USP34: variants seen among roughly 807,000 people sequenced by gnomAD.
The protein encoded by USP34 is ubiquitin carboxyl-terminal hydrolase 34.
In USP34, 70 loss-of-function variants were observed where a neutral mutation model predicts 460.3. That is an observed-to-expected ratio of 0.15 (90% CI 0.13 to 0.19). USP34 has a LOEUF of 0.19. Among genes scored for constraint, USP34 ranks in the 10% least tolerant of loss-of-function variants. The pLI is 1.00. For synonymous variants in USP34, 1,647 were observed against 1,405.3 expected, an observed-to-expected ratio of 1.17 and a Z score of -3.85; for missense variants, 3,985 against 4,236.2, an observed-to-expected ratio of 0.94 and a Z score of 1.65.
intron 51 of USP34, among the ~76,000 whole-genome samples, chr2:61,244,771 C>T (rs771152648): frequency 4.6e-5 from 7 of 152,102 alleles, no homozygotes; most frequent in Non-Finnish European, 8.8e-5. Flanking sequence ...AACTTCCTTG[C>T]CAAACATTTT....
chr2:61,263,173 ATT>A (rs36015748), intron 43 of USP34, among the ~76,000 whole-genome samples: 18 of 97,764 alleles, frequency 1.8e-4, no homozygotes, highest in East Asian at 1.6e-3. Flanking sequence ...CACACATGGA[ATT>A]TTTTTTTTTT....
intron 51 of USP34, among the ~76,000 whole-genome samples, chr2:61,243,610 A>G (rs982503393): frequency 2.1e-5 from 3 of 146,156 alleles, no homozygotes; most frequent in South Asian, 4.3e-4. Context: ...ACGGTGGCTC[A>G]TGCCTATAAT....
rs925693743 is a variant in USP34, at chr2:61,387,713, AT to A, written c.754-4378del. ...TACATATACACACATGTAAAAATAT[AT>A]TTTTACGTATACACACATGTAAAAA... On this transcript the variant is annotated intron_variant, in intron 5 of 79. Transcript: ENST00000398571. Among the ~76,000 whole-genome samples, 3 of 147,882 alleles carry A rather than the reference AT, an allele frequency of 2.0e-5. No individual in the cohort carries two copies. In the East Asian group the frequency reaches 5.9e-4, roughly 29 times the overall value.
intron 41 of USP34, among the ~76,000 whole-genome samples, chr2:61,269,441 C>T (rs1450331632): frequency 6.6e-6 from 1 of 151,340 alleles, no homozygotes; most frequent in African/African-American, 2.4e-5. Flanking sequence ...GCTGGGATTA[C>T]AGTTGAGAGT....
chr2:61,429,453 TA>T (rs1250189918), intron 1 of USP34, among the ~76,000 whole-genome samples: 1 of 151,702 alleles, frequency 6.6e-6, no homozygotes, highest in Non-Finnish European at 1.5e-5. Context: ...TCTCAAAAAA[TA>T]AAATAAGATA....
chr2:61,260,726 T>C (rs879884900), intron 43 of USP34, among the ~76,000 whole-genome samples: 12 of 152,192 alleles, frequency 7.9e-5, no homozygotes, highest in Non-Finnish European at 1.2e-4. Context: ...AGGCTTAATA[T>C]TCCATATTAC....
At chr2:61,388,764 AATAT>A (rs56090495) in intron 5 of USP34, among the ~76,000 whole-genome samples, 52,479 of 148,850 alleles carry the variant, frequency 0.35, 9,300 homozygotes, top group Admixed American at 0.41. Context: ...TCAGAAAAAG[AATAT>A]ATATATATAT....
chr2:61,228,945 A>C lies in USP34; in HGVS notation c.7250T>G (p.Val2417Gly), dbSNP rs1321800841. The change falls in exon 60 of 80, where the codon GTC becomes GGC. Residue 2417 changes from valine (V) to glycine (G), a missense_variant. Coordinates refer to ENST00000398571, the MANE Select transcript of USP34 (RefSeq NM_014709.4). ...TAACAGGGTTCTCACAAAGCGAGTGACACATGAACGACCACCAATATCTTC... is the reference window on the plus strand; with the variant it reads ...TAACAGGGTTCTCACAAAGCGAGTGCCACATGAACGACCACCAATATCTTC... ...SVEDIGGRSCVTRFVRTLLLI... is the reference protein window; with the variant it reads ...SVEDIGGRSCGTRFVRTLLLI... 2.5e-6 allele frequency: 4 copies of C among 1,608,992 alleles called. No individual in the cohort carries two copies. Among genetic ancestry groups the C allele is most frequent in the African/African-American group, 1.3e-5 (1 of 74,720 alleles).
Position 61,311,704 on chromosome 2 carries a change from A to G in USP34, c.3670-17T>C. The G allele has an allele frequency of 6.2e-7, 1 of 1,608,306 alleles. No individual in the cohort carries two copies. The highest frequency in any genetic ancestry group is 8.5e-7 in the Non-Finnish European group (1 of 1,177,732). Reference sequence around the variant, plus strand: ...AATAGTCATCTGAAATATGAGATGCAACCAATTTAAAAATACAAAAAGAAC... The same window carrying G: ...AATAGTCATCTGAAATATGAGATGCGACCAATTTAAAAATACAAAAAGAAC... On this transcript the variant is annotated splice_polypyrimidine_tract_variant and intron_variant, in intron 26 of 79. Transcript: ENST00000398571.
chr2:61,219,275 T>C (rs1019748577), intron 67 of USP34, among the ~76,000 whole-genome samples: 1 of 152,206 alleles, frequency 6.6e-6, no homozygotes, highest in African/African-American at 2.4e-5. Context: ...TCTGACACTA[T>C]AGGATATTCC....
intron 10 of USP34, among the ~76,000 whole-genome samples, chr2:61,356,774 A>G (rs1029094294): frequency 5.9e-5 from 9 of 152,202 alleles, no homozygotes; most frequent in Admixed American, 3.9e-4. Flanking sequence ...TGCAATATAA[A>G]TAAGTTCTAG....
rs1373985443 is a variant in USP34, at chr2:61,328,404, T to C, written c.2930+2872A>G. ...CATCTTTCATGCTACAAGAATCTTT[T>C]TCCCCCCTCGGTGAAAAATTTCAGA... On this transcript the variant is annotated intron_variant, in intron 20 of 79. Transcript: ENST00000398571. Among the ~76,000 whole-genome samples the C allele has an allele frequency of 2.0e-5, 3 of 151,920 alleles. No homozygotes were observed. The East Asian group carries it at 5.8e-4, about 29-fold the overall frequency.
intron 6 of USP34, among the ~76,000 whole-genome samples, chr2:61,381,537 T>TG (rs1397000796): frequency 6.6e-6 from 1 of 152,100 alleles, no homozygotes; most frequent in Non-Finnish European, 1.5e-5. Context: ...AGTCTCGCTA[T>TG]GTTGCCCAGA....
intron 21 of USP34, among the ~76,000 whole-genome samples, chr2:61,324,006 C>T (rs1310984822): frequency 6.6e-6 from 1 of 152,072 alleles, no homozygotes; most frequent in Non-Finnish European, 1.5e-5. Flanking sequence ...CACAGTATAT[C>T]TCAAGCATAG....
chr2:61,397,441 TAA>T (rs35650295), intron 3 of USP34, among the ~76,000 whole-genome samples: 4,248 of 131,170 alleles, frequency 0.032, 204 homozygotes, highest in African/African-American at 0.11. Flanking sequence ...AGGCTCCATC[TAA>T]AAAAAAAAAA....
chr2:61,271,461 T>C (rs1315207164), intron 41 of USP34, among the ~76,000 whole-genome samples: 2 of 152,222 alleles, frequency 1.3e-5, no homozygotes, highest in Non-Finnish European at 1.5e-5. Flanking sequence ...ACTGTTTGAC[T>C]GTCAGTTCTA....
chr2:61,356,097 T>C (rs1692093280), intron 10 of USP34, among the ~76,000 whole-genome samples: 1 of 152,036 alleles, frequency 6.6e-6, no homozygotes, highest in African/African-American at 2.4e-5. Context: ...GAGGTATCTG[T>C]ACTCCCATGA....
At chr2:61,268,636 A>G (rs1031384262) in intron 41 of USP34, among the ~76,000 whole-genome samples, 2 of 152,028 alleles carry the variant, frequency 1.3e-5, no homozygotes, top group African/African-American at 4.8e-5. Context: ...ACAGCAATAG[A>G]TAATAGGGTA....
intron 10 of USP34, 38 bp from the exon 11 acceptor site, chr2:61,350,731 T>C: frequency 6.3e-7 from 1 of 1,594,356 alleles, no homozygotes; most frequent in Non-Finnish European, 8.5e-7. Context: ...CAAAAATAAT[T>C]GCCCAATACA....
Sources: gnomAD v4.1 joint callset for allele counts (sites outside exome capture counted in the v4.1 genomes callset) on GRCh38, gnomAD v4.1.1 for gene constraint, MANE v1.5 for transcripts, NCBI Gene and HGNC (gene_info 2026-07-23, HGNC 2026-07-21) for gene names.